FBN3: variants seen among roughly 807,000 people sequenced by gnomAD.
FBN3 encodes the protein fibrillin-3.
Under a neutral mutation model 330.1 loss-of-function variants are expected in FBN3, and 234 were observed. That is an observed-to-expected ratio of 0.71 (90% CI 0.64 to 0.79). The LOEUF (loss-of-function observed/expected upper bound fraction) is 0.79, where lower values mean the gene tolerates loss of function less well. Among genes scored for constraint, FBN3 ranks in the 30% least tolerant of loss-of-function variants. FBN3 has a pLI of 0.00. For synonymous variants in FBN3, 1,458 were observed against 1,517.3 expected (o/e 0.96, Z 0.91); for missense variants, 3,606 against 3,886.9 (o/e 0.93, Z 1.92).
chr19:8,140,838 G>A (rs1235334129), intron 8 of FBN3, among the ~76,000 whole-genome samples: 2 of 152,060 alleles, frequency 1.3e-5, no homozygotes, highest in African/African-American at 4.8e-5. Context: ...TCCAGGGGAT[G>A]TATCCACAGC....
chr19:8,093,361 T>A (rs113348389), intron 47 of FBN3, among the ~76,000 whole-genome samples: 1 of 152,010 alleles, frequency 6.6e-6, no homozygotes, highest in African/African-American at 2.4e-5. Flanking sequence ...CAATGGCTCA[T>A]GCCTGTAATC....
Position 8,065,611 on chromosome 19 carries a change from A to C in FBN3, c.*308T>G. ...AGGGCAAGCCACAGTGCAGTACAGA[A>C]GTGAAAGCCTGAGATTGGCCAGACA... On this transcript the variant is annotated 3_prime_UTR_variant, in exon 64 of 64. Transcript: ENST00000600128. The C allele has an allele frequency of 2.5e-6, 1 of 395,908 alleles. No homozygotes were observed. The highest frequency in any genetic ancestry group is 4.3e-5 in the East Asian group (1 of 23,470). The allele number at this position is 395,908 out of a possible 1,614,324, so 24.5% of individuals were successfully genotyped here.
At position 8,085,516 on chromosome 19, in the gene FBN3, G is replaced by C; in HGVS notation, c.6934C>G (p.Leu2312Val). The change falls in exon 56 of 64, where the codon CTG (leucine) becomes GTG (valine). Residue 2312 changes from leucine to valine, a missense_variant. Leu to Val is a conservative substitution (Grantham distance 32). Transcript: ENST00000600128. ...AEVLQTMCRS[L>V]SSSSEAVTRA... ...GTGACAGCCTCACTGCTGCTGGACA[G>C]AGACCGGCACATGGTCTGCAGCACC... The C allele has an allele frequency of 6.3e-7, 1 of 1,594,990 alleles. No individual in the cohort carries two copies. Among genetic ancestry groups the C allele is most frequent in the Non-Finnish European group, 8.5e-7 (1 of 1,171,342 alleles).
In FBN3 at chr19:8,121,451, GGGGT is replaced by G; in HGVS notation, c.3083-69_3083-66del. On this transcript the variant is annotated intron_variant, in intron 24 of 63. Coordinates refer to ENST00000600128, the MANE Select transcript of FBN3 (RefSeq NM_032447.5). The surrounding 1 kb of genome is among the most constrained non-coding windows in gnomAD (Gnocchi z 4.5). ...GCCGCATCATGGGGCACGAGGCAGG[GGGGT>G]CCCTGTCCTTTGATGGAGGTGTGGG... 1 of 1,466,622 alleles carries G rather than the reference GGGGT, an allele frequency of 6.8e-7. No homozygotes were observed. Among genetic ancestry groups the G allele is most frequent in the Non-Finnish European group, 9.1e-7 (1 of 1,095,624 alleles). 90.9% of individuals were successfully genotyped at this position (1,466,622 alleles called of 1,614,324 possible). A position where few individuals can be genotyped will look rare whatever the true frequency, so the allele number is the denominator to read the frequency against.
intron 5 of FBN3, among the ~76,000 whole-genome samples, 163 bp downstream of exon 5, chr19:8,145,680 C>CAAAAA (rs56250248): frequency 3.0e-4 from 33 of 108,666 alleles, no homozygotes; most frequent in Non-Finnish European, 3.1e-4. Context: ...GACTCTGTCT[C>CAAAAA]AAAAAAAAAA....
chr19:8,103,747 A>T, intron 38 of FBN3, 60 bp from the exon 39 acceptor site: 1 of 1,561,958 alleles, frequency 6.4e-7, no homozygotes, highest in Non-Finnish European at 8.7e-7. Context: ...TGTCTGAATA[A>T]CTCCACTCCA....
chr19:8,084,193 G>A lies in FBN3; in HGVS notation c.7088-821C>T, dbSNP rs547754448. 3.3e-5 allele frequency among the ~76,000 whole-genome samples: 5 copies of A among 152,184 alleles called. No homozygotes were observed. In the East Asian group the frequency reaches 7.7e-4, roughly 24 times the overall value. On this transcript the variant is annotated intron_variant, in intron 56 of 63. Coordinates refer to ENST00000600128, the MANE Select transcript of FBN3 (RefSeq NM_032447.5). ...GAGACGCACTGATGTCCTTATGCTC[G>A]CTCACACGCAGACACTCACATACCT...
At position 8,096,721 on chromosome 19, in the gene FBN3, C is replaced by T; in HGVS notation, c.5414-152G>A. 2.3e-6 allele frequency: 3 copies of T among 1,313,472 alleles called. No homozygotes were observed. The highest frequency in any genetic ancestry group is 3.1e-6 in the Non-Finnish European group (3 of 954,436). The allele number at this position is 1,313,472 out of a possible 1,614,324, so 81.4% of individuals were successfully genotyped here. A position where few individuals can be genotyped will look rare whatever the true frequency, so the allele number is the denominator to read the frequency against. ...CAGGCTGTCTGCATGGACCTGAGCTCTCACCTCTATCACATCCTATTAACA... is the reference window on the plus strand; with the variant it reads ...CAGGCTGTCTGCATGGACCTGAGCTTTCACCTCTATCACATCCTATTAACA... On this transcript the variant is annotated intron_variant, in intron 43 of 63. Coordinates refer to ENST00000600128, the MANE Select transcript of FBN3 (RefSeq NM_032447.5). This position sits in a 1 kb window ranked among gnomAD's most constrained non-coding sequence, Gnocchi z 4.6.
At chr19:8,100,562 T>C (rs541783473) in intron 41 of FBN3, among the ~76,000 whole-genome samples, 7 of 152,232 alleles carry the variant, frequency 4.6e-5, no homozygotes, top group African/African-American at 1.7e-4. Context: ...GGTCTCAAAC[T>C]CCTGACCTCA....
intron 46 of FBN3, 77 bp from the exon 47 acceptor site, chr19:8,094,642 CA>C: frequency 6.6e-7 from 1 of 1,512,828 alleles, no homozygotes; most frequent in Non-Finnish European, 9.0e-7. Context: ...CCAACACCTG[CA>C]ATCACTGTGT....
At chr19:8,125,131 T>C (rs2082947430) in intron 22 of FBN3, among the ~76,000 whole-genome samples, 1 of 152,190 alleles carries the variant, frequency 6.6e-6, no homozygotes, top group Non-Finnish European at 1.5e-5. Context: ...AGATAAATCC[T>C]GGCTGGACTT....
chr19:8,119,981 C>T (rs1047410097), intron 25 of FBN3, among the ~76,000 whole-genome samples: 2 of 150,902 alleles, frequency 1.3e-5, no homozygotes, highest in African/African-American at 4.9e-5. Flanking sequence ...CCACCATGCC[C>T]GGCTAATTTT....
At chr19:8,143,507 T>C (rs1473938607) in intron 6 of FBN3, among the ~76,000 whole-genome samples, 3 of 149,118 alleles carry the variant, frequency 2.0e-5, no homozygotes, top group Non-Finnish European at 4.5e-5. Context: ...CTTTTTTTTT[T>C]TTTTTTTGAG....
At position 8,108,689 on chromosome 19, in the gene FBN3, A is replaced by C. The variant is rs117706383; in HGVS notation, c.4619-451T>G. 2.6e-5 allele frequency among the ~76,000 whole-genome samples: 4 copies of C among 152,028 alleles called. No homozygotes were observed. In the East Asian group the frequency reaches 7.7e-4, roughly 29 times the overall value. ...TGAGGCCTTTGCACATACTGTTCTCACTGCATTGCACATCATTCCCCCTAC... is the reference window on the plus strand; with the variant it reads ...TGAGGCCTTTGCACATACTGTTCTCCCTGCATTGCACATCATTCCCCCTAC... On this transcript the variant is annotated intron_variant, in intron 36 of 63. Coordinates refer to ENST00000600128, the MANE Select transcript of FBN3 (RefSeq NM_032447.5).
chr19:8,069,698 G>A (rs1229428107), intron 63 of FBN3, among the ~76,000 whole-genome samples: 1 of 152,092 alleles, frequency 6.6e-6, no homozygotes, highest in Non-Finnish European at 1.5e-5. Context: ...CAATCCTCCC[G>A]CCTCAGCCTC....
intron 2 of FBN3, 52 bp downstream of exon 2, chr19:8,147,262 G>A: frequency 3.8e-6 from 6 of 1,566,890 alleles, no homozygotes; most frequent in East Asian, 2.4e-5. Context: ...CTGGCCCCAG[G>A]ACAGCCCAAT....
At chr19:8,084,308 T>G (rs1048906994) in intron 56 of FBN3, among the ~76,000 whole-genome samples, 1 of 152,098 alleles carries the variant, frequency 6.6e-6, no homozygotes, top group Non-Finnish European at 1.5e-5. Flanking sequence ...GGTGTATACT[T>G]CTCACCCAGC....
rs369067458 is a variant in FBN3, at chr19:8,111,841, C to T, written c.3962-71G>A. ...TGGGTGGGCGCAGAAGGGAGAAAGA[C>T]CCATCAACCCTCCAACCCTGACTGC... On this transcript the variant is annotated intron_variant, in intron 31 of 63. Coordinates refer to ENST00000600128, the MANE Select transcript of FBN3 (RefSeq NM_032447.5). The T allele has an allele frequency of 1.2e-3, 1,945 of 1,574,562 alleles. 36 individuals are homozygous for T. In the South Asian group the frequency reaches 0.021, roughly 17 times the overall value.
In FBN3 at chr19:8,147,423, A is replaced by C. The variant is rs1453418670; in HGVS notation, c.58T>G (p.Trp20Gly). 2 of 1,586,646 alleles carry C rather than the reference A, an allele frequency of 1.3e-6. No homozygotes were observed. The highest frequency in any genetic ancestry group is 1.7e-6 in the Non-Finnish European group (2 of 1,168,420). Residue 20 changes from tryptophan to glycine, a missense_variant, in exon 2 of 64, where the codon TGG (tryptophan) becomes GGG (glycine). By Grantham distance (184) the Trp-to-Gly change is radical. Coordinates refer to ENST00000600128, the MANE Select transcript of FBN3 (RefSeq NM_032447.5). ...CCTGCCATGCACAACAGGGCCGACC[A>C]GGCCAGCAGGAGCCGGGCCAGGGGG... is the stretch of plus-strand genomic sequence containing the variant. The part of the protein sequence containing the change: ...RGPLARLLLA[W>G]SALLCMAGGQ...
Sources: allele counts gnomAD v4.1 joint callset (sites outside exome capture counted in the v4.1 genomes callset), GRCh38; gene constraint gnomAD v4.1.1; non-coding constraint Gnocchi (gnomAD v3.1); transcripts MANE v1.5; gene names NCBI Gene and HGNC (gene_info 2026-07-23, HGNC 2026-07-21).